TSPAN15: variants seen among roughly 807,000 people sequenced by gnomAD.
The protein encoded by TSPAN15 is tetraspanin-15.
TSPAN15 carries 20 observed loss-of-function variants against 34.5 expected under a neutral mutation model. The observed-to-expected ratio is 0.58, with a 90% CI of 0.41 to 0.84. TSPAN15 has a LOEUF of 0.84. Among genes scored for constraint, TSPAN15 ranks in the 40% least tolerant of loss-of-function variants. TSPAN15 has a pLI of 0.00. For synonymous variants in TSPAN15, 155 were observed against 153.9 expected, an observed-to-expected ratio of 1.01 and a Z score of -0.05; for missense variants, 313 against 386.1, an observed-to-expected ratio of 0.81 and a Z score of 1.59.
chr10:69,462,403 C>T (rs901155503), intron 1 of TSPAN15, among the ~76,000 whole-genome samples: 4 of 151,926 alleles, frequency 2.6e-5, no homozygotes, highest in East Asian at 3.8e-4. Context: ...GGCGTGATCT[C>T]GGCTCACTGC....
the TSPAN15 span, among the ~76,000 whole-genome samples, chr10:69,520,629 C>T: frequency 6.6e-6 from 1 of 152,312 alleles, no homozygotes; most frequent in African/African-American, 2.4e-5. Flanking sequence ...GCATTCCTGC[C>T]TGGGCGACAG....
chr10:69,464,762 A>G (rs971595364), intron 1 of TSPAN15, among the ~76,000 whole-genome samples: 2 of 152,144 alleles, frequency 1.3e-5, no homozygotes, highest in African/African-American at 4.8e-5. Context: ...AGAGAAGGAA[A>G]CCAAGCCCCA....
chr10:69,531,465 G>C, the TSPAN15 span, among the ~76,000 whole-genome samples: 1 of 152,110 alleles, frequency 6.6e-6, no homozygotes, highest in East Asian at 1.9e-4. Flanking sequence ...TGTGCATGGT[G>C]GTGGGTGCCT....
chr10:69,497,547 C>T (rs1285788544), intron 4 of TSPAN15, among the ~76,000 whole-genome samples: 1 of 152,188 alleles, frequency 6.6e-6, no homozygotes, highest in Non-Finnish European at 1.5e-5. Context: ...GCTGCCCCTC[C>T]CCACTTTCCC....
chr10:69,475,922 A>G (rs1025699624), intron 1 of TSPAN15, among the ~76,000 whole-genome samples: 1 of 152,186 alleles, frequency 6.6e-6, no homozygotes, highest in African/African-American at 2.4e-5. Flanking sequence ...TAAATTAAGA[A>G]GGGATTATTT....
At chr10:69,475,598 T>C (rs1183807434) in intron 1 of TSPAN15, among the ~76,000 whole-genome samples, 1 of 152,196 alleles carries the variant, frequency 6.6e-6, no homozygotes, top group Non-Finnish European at 1.5e-5. Context: ...TTCCACTCTC[T>C]GCCCTGGCTG....
chr10:69,482,902 A>G (rs1589639752), intron 1 of TSPAN15, among the ~76,000 whole-genome samples: 1 of 152,324 alleles, frequency 6.6e-6, no homozygotes. Flanking sequence ...TGGCTTAAAC[A>G]ATAGACATTT....
chr10:69,483,952 C>T (rs989165661), intron 2 of TSPAN15, 76 bp downstream of exon 2: 1 of 1,489,696 alleles, frequency 6.7e-7, no homozygotes, highest in Non-Finnish European at 9.1e-7. Context: ...CCTTGGGCAG[C>T]TCAGTTTCTT....
downstream of TSPAN15, among the ~76,000 whole-genome samples, chr10:69,509,741 A>C (rs10998837): frequency 0.39 from 59,773 of 151,570 alleles, 12,189 homozygotes; most frequent in African/African-American, 0.5. Context: ...TCTTTAATCC[A>C]TCTTGAGTTA....
At chr10:69,537,637 T>C in the TSPAN15 span, among the ~76,000 whole-genome samples, 3 of 152,194 alleles carry the variant, frequency 2.0e-5, no homozygotes, top group Non-Finnish European at 2.9e-5. Context: ...CCTATCCTGC[T>C]CCACTATGAC....
the TSPAN15 span, among the ~76,000 whole-genome samples, chr10:69,541,481 C>A: frequency 6.6e-6 from 1 of 152,202 alleles, no homozygotes; most frequent in Non-Finnish European, 1.5e-5. Context: ...TAGACTTGGG[C>A]AGCTCCACCC....
intron 3 of TSPAN15, among the ~76,000 whole-genome samples, chr10:69,492,395 G>T (rs1392009602): frequency 1.3e-5 from 2 of 152,128 alleles, no homozygotes; most frequent in African/African-American, 4.8e-5. Flanking sequence ...CCATCTCAGT[G>T]TCCTCGTCTC....
intron 1 of TSPAN15, among the ~76,000 whole-genome samples, chr10:69,483,273 C>G (rs973777104): frequency 4.6e-5 from 7 of 152,132 alleles, no homozygotes; most frequent in African/African-American, 1.7e-4. Context: ...CAGGTGTGAG[C>G]CACCGCGCCC....
the TSPAN15 span, among the ~76,000 whole-genome samples, chr10:69,536,199 A>G: frequency 1.3e-5 from 2 of 152,232 alleles, no homozygotes; most frequent in East Asian, 3.8e-4. Flanking sequence ...TCCTGACTCC[A>G]GCCCCAGATC....
the TSPAN15 span, among the ~76,000 whole-genome samples, chr10:69,533,862 G>T: frequency 6.6e-6 from 1 of 152,156 alleles, no homozygotes; most frequent in African/African-American, 2.4e-5. Flanking sequence ...GATAGTGTCA[G>T]AATTGAATTA....
At chr10:69,484,175 T>C (rs927765982) in intron 2 of TSPAN15, 6 of 287,074 alleles carry the variant, frequency 2.1e-5, no homozygotes, top group Non-Finnish European at 3.3e-5. Flanking sequence ...AAAAAGGAGA[T>C]GGTAGTGAGT....
At chr10:69,544,685 T>C in the TSPAN15 span, among the ~76,000 whole-genome samples, 163 of 152,318 alleles carry the variant, frequency 1.1e-3, 1 homozygote, top group African/African-American at 3.8e-3. Flanking sequence ...GAGTACTGGA[T>C]AGACCTACTT....
intron 1 of TSPAN15, 25 bp from the exon 2 acceptor site, chr10:69,483,666 C>CT: frequency 6.2e-7 from 1 of 1,607,870 alleles, no homozygotes; most frequent in Middle Eastern, 1.7e-4. Flanking sequence ...CAGTCTCTCT[C>CT]TCACCCTCTG....
the TSPAN15 span, among the ~76,000 whole-genome samples, chr10:69,530,318 G>A: frequency 6.8e-6 from 1 of 147,718 alleles, no homozygotes; most frequent in African/African-American, 2.5e-5. Context: ...TAGAAGAACT[G>A]TTGAGTCCTT....
Sources: allele counts gnomAD v4.1 joint callset (sites outside exome capture counted in the v4.1 genomes callset), GRCh38; gene constraint gnomAD v4.1.1; transcripts MANE v1.5; gene names NCBI Gene and HGNC (gene_info 2026-07-23, HGNC 2026-07-21).